SRP14: variants seen among roughly 807,000 people sequenced by gnomAD.
SRP14 encodes the protein signal recognition particle 14 kDa protein.
A neutral mutation model predicts 16.0 loss-of-function variants in SRP14; 1 was observed. The ratio of observed to expected loss-of-function variants is 0.06; its 90% CI spans 0.02 to 0.30. The LOEUF (loss-of-function observed/expected upper bound fraction) is 0.30. Ranked by LOEUF, SRP14 falls within the 10% of genes least tolerant of loss-of-function variation. The probability of loss-of-function intolerance (pLI) is 1.00; values close to 1 mark genes in which losing one functional copy is unlikely to be tolerated. For synonymous variants in SRP14, 67 were observed against 60.1 expected (o/e 1.12, Z -0.53); for missense variants, 120 against 163.1 (o/e 0.74, Z 1.44).
At chr15:40,037,294 A>AAAAAAAAAAAAAAT in intron 3 of SRP14, 2 of 1,352,522 alleles carry the variant, frequency 1.5e-6, no homozygotes, top group Non-Finnish European at 1.9e-6. Context: ...AAAAAAAAAA[A>AAAAAAAAAAAAAAT]GCTTTGTTTC....
In SRP14 at chr15:40,038,762, A is replaced by T. The variant is rs2035671563; in HGVS notation, c.97+114T>A. ...CGGGCCCGAAGCCCCGAATGTGCTC[A>T]GTACAGGGTGGGGAAAGGTAGAGGA... On this transcript the variant is annotated intron_variant, in intron 2 of 4. Coordinates refer to ENST00000267884, the MANE Select transcript of SRP14 (RefSeq NM_003134.6). 1.4e-5 allele frequency: 16 copies of T among 1,134,900 alleles called. No individual in the cohort carries two copies. The South Asian group carries it at 2.1e-4, about 15-fold the overall frequency. The allele number at this position is 1,134,900 out of a possible 1,614,324, so 70.3% of individuals were successfully genotyped here. A position where few individuals can be genotyped will look rare whatever the true frequency, so the allele number is the denominator to read the frequency against.
chr15:40,037,279 G>GTAAAAAAAAAAAA lies in SRP14; in HGVS notation c.211-262_211-261insTTTTTTTTTTTTA, dbSNP rs1555424355. On this transcript the variant is annotated intron_variant, in intron 3 of 4. Transcript: ENST00000267884. ...TGAAAGGCAGTAGGCTCCTTTTGGG[G>GTAAAAAAAAAAAA]AAAAAAAAAAAAAAAGCTTTGTTTC... is the stretch of plus-strand genomic sequence containing the variant. 1.1e-5 allele frequency: 8 copies of GTAAAAAAAAAAAA among 749,960 alleles called. No individual in the cohort carries two copies. The East Asian group carries it at 3.6e-4, about 33-fold the overall frequency. The allele number at this position is 749,960 out of a possible 1,614,324, so 46.5% of individuals were successfully genotyped here.
rs756388480 is a variant in SRP14 at position 40,036,919 on chromosome 15, C to T, written c.243+67G>A. 4 of 1,543,048 alleles carry T rather than the reference C, an allele frequency of 2.6e-6. No individual in the cohort carries two copies. The African/African-American group carries it at 5.4e-5, about 21-fold the overall frequency. On this transcript the variant is annotated intron_variant, in intron 4 of 4. Transcript: ENST00000267884. ...GCAGTGAACCCAAGTATCAATCTTA[C>T]CCAGTGTTCACTATCATACTGACTC...
chr15:40,037,495 C>T, intron 3 of SRP14: 1 of 429,354 alleles, frequency 2.3e-6, no homozygotes, highest in Non-Finnish European at 3.5e-6. Flanking sequence ...CGAGCTACCA[C>T]AAAATAAATT....
intron 3 of SRP14, chr15:40,037,484 G>T: frequency 2.0e-6 from 1 of 493,736 alleles, no homozygotes; most frequent in Non-Finnish European, 2.9e-6. Flanking sequence ...TAAGCACAAT[G>T]CGAGCTACCA....
At position 40,036,380 on chromosome 15, in the gene SRP14, T is replaced by TTGCTGCTGCGGCAGG. The variant is rs770733783; in HGVS notation, c.349_363dup (p.Pro117_Ala121dup). 117 of 1,612,022 alleles carry TTGCTGCTGCGGCAGG rather than the reference T, an allele frequency of 7.3e-5. No individual in the cohort carries two copies. The highest frequency in any genetic ancestry group is 1.6e-4 in the East Asian group (7 of 44,374). ...GTTGTTGCTGCTGTTGTTGGTGCTG[T>TTGCTGCTGCGGCAGG]TGCTGCTGCGGCAGGTGCTGCTGCT... is the stretch of plus-strand genomic sequence containing the variant. On this transcript the variant is annotated inframe_insertion, in exon 5 of 5. Transcript: ENST00000267884.
At chr15:40,037,278 G>GTAAAAAAAAAAAAAAAAAA in intron 3 of SRP14, 1 of 193,390 alleles carries the variant, frequency 5.2e-6, no homozygotes. Flanking sequence ...CTCCTTTTGG[G>GTAAAAAAAAAAAAAAAAAA]GAAAAAAAAA....
rs8208 is a variant in SRP14, at chr15:40,036,464, G to A, written c.280C>T (p.Leu94=). Residue 94 remains leucine, a synonymous_variant, in exon 5 of 5, where the codon CTG becomes TTG. Coordinates refer to ENST00000267884, the MANE Select transcript of SRP14 (RefSeq NM_003134.6). ...TTGTTCTTTTTGTCTCTCTTCTTCAGCCCATCCATGTTAGCTCTAAGGAGG... is the reference window on the plus strand; with the variant it reads ...TTGTTCTTTTTGTCTCTCTTCTTCAACCCATCCATGTTAGCTCTAAGGAGG... The part of the protein sequence containing the change: ...SNLLRANMDG[L]KKRDKKNKTK... 0.67 allele frequency: 1,077,758 copies of A among 1,613,542 alleles called. 370,519 individuals are homozygous for A. Among genetic ancestry groups the A allele is most frequent in the Non-Finnish European group, 0.72 (843,864 of 1,179,866 alleles).
intron 3 of SRP14, among the ~76,000 whole-genome samples, chr15:40,037,561 C>G (rs1194103700): frequency 2.0e-5 from 3 of 150,840 alleles, no homozygotes; most frequent in African/African-American, 7.3e-5. Flanking sequence ...CTAACTTAAT[C>G]TGTAAAACCA....
chr15:40,036,121 A>T lies in SRP14; in HGVS notation c.*212T>A, dbSNP rs1340343928. The stretch of plus-strand genomic sequence containing the variant: ...CTTTTAATCTATAATCCAGGAGTAT[A>T]TAACCATGCAGCACAGACCAATTAG... On this transcript the variant is annotated 3_prime_UTR_variant, in exon 5 of 5. Coordinates refer to ENST00000267884, the MANE Select transcript of SRP14 (RefSeq NM_003134.6). The T allele has an allele frequency of 1.3e-6, 1 of 744,394 alleles. No individual in the cohort carries two copies. Among genetic ancestry groups the T allele is most frequent in the African/African-American group, 1.8e-5 (1 of 56,642 alleles). 46.1% of individuals were successfully genotyped at this position (744,394 alleles called of 1,614,324 possible). A position where few individuals can be genotyped will look rare whatever the true frequency, so the allele number is the denominator to read the frequency against.
At chr15:40,037,330 G>A (rs1302026845) in intron 3 of SRP14, 3 of 1,280,036 alleles carry the variant, frequency 2.3e-6, no homozygotes, top group Non-Finnish European at 3.0e-6. Context: ...CCTTAGAAAG[G>A]TGGCATTGGG....
chr15:40,036,867 C>T (rs775145630), intron 4 of SRP14, 119 bp downstream of exon 4: 3 of 1,175,132 alleles, frequency 2.6e-6, no homozygotes, highest in Non-Finnish European at 3.8e-6. Context: ...TTACTTGAAA[C>T]ATACTGGTAA....
chr15:40,037,866 A>G (rs768450246), intron 3 of SRP14, among the ~76,000 whole-genome samples: 14 of 150,112 alleles, frequency 9.3e-5, no homozygotes, highest in Admixed American at 2.7e-4. Flanking sequence ...GACTAAATGT[A>G]TATTTTCTCA....
chr15:40,036,916 T>C (rs2035633355), intron 4 of SRP14, 70 bp downstream of exon 4: 2 of 1,538,350 alleles, frequency 1.3e-6, no homozygotes, highest in Admixed American at 1.7e-5. Flanking sequence ...AGTATCAATC[T>C]TACCCAGTGT....
intron 2 of SRP14, 44 bp from the exon 3 acceptor site, chr15:40,038,438 G>C: frequency 2.2e-6 from 3 of 1,339,746 alleles, no homozygotes; most frequent in Non-Finnish European, 3.2e-6. Context: ...CGCGTACGTG[G>C]CTGAGCGGCA....
In SRP14 at chr15:40,036,023, G is replaced by A; in HGVS notation, c.*310C>T. 8.2e-6 allele frequency: 3 copies of A among 366,150 alleles called. No individual in the cohort carries two copies. The highest frequency in any genetic ancestry group is 1.5e-5 in the Non-Finnish European group (3 of 204,992). 22.7% of individuals were successfully genotyped at this position (366,150 alleles called of 1,614,324 possible). On this transcript the variant is annotated 3_prime_UTR_variant, in exon 5 of 5. Coordinates refer to ENST00000267884, the MANE Select transcript of SRP14 (RefSeq NM_003134.6). ...AGAACTATTAAAATGGGTTGGGAAA[G>A]GAATAAAGAGACAGTGCTGATAAAC...
At chr15:40,038,431 G>C in intron 2 of SRP14, 37 bp from the exon 3 acceptor site, 1 of 1,384,026 alleles carries the variant, frequency 7.2e-7, no homozygotes, top group Non-Finnish European at 1.0e-6. Context: ...ACACGGCCGC[G>C]TACGTGGCTG....
chr15:40,038,643 A>G, intron 2 of SRP14: 1 of 611,952 alleles, frequency 1.6e-6, no homozygotes. Flanking sequence ...ATCCCTGACA[A>G]AGAGCCCTGG....
chr15:40,037,019 C>A lies in SRP14; in HGVS notation c.211-1G>T. 1 of 1,613,264 alleles carries A rather than the reference C, an allele frequency of 6.2e-7. No individual in the cohort carries two copies. Among genetic ancestry groups the A allele is most frequent in the Admixed American group, 1.7e-5 (1 of 59,856 alleles). Reference sequence around the variant, plus strand: ...ACTTATTCACTTCCTTGGAGCTCACCTGAAAAAGAAGGAAAAAAGAGGTCA... The same window carrying A: ...ACTTATTCACTTCCTTGGAGCTCACATGAAAAAGAAGGAAAAAAGAGGTCA... On this transcript the variant is annotated splice_acceptor_variant, in intron 3 of 4. Transcript: ENST00000267884. LOFTEE classifies it high-confidence loss of function.
Sources: allele counts gnomAD v4.1 joint callset (sites outside exome capture counted in the v4.1 genomes callset), GRCh38; gene constraint gnomAD v4.1.1; transcripts MANE v1.5; gene names NCBI Gene and HGNC (gene_info 2026-07-23, HGNC 2026-07-21).